Variants in FOXN3 observed in about 807,000 individuals in gnomAD.
FOXN3 encodes the protein forkhead box protein N3.
In FOXN3, 7 loss-of-function variants were observed where a neutral mutation model predicts 38.4. That is an observed-to-expected ratio of 0.18 (90% CI 0.10 to 0.34). FOXN3 has a LOEUF of 0.34. FOXN3 is among the 10% of genes least tolerant of loss of function. FOXN3 has a pLI of 1.00. For missense variants in FOXN3, 456 were observed against 613.4 expected (o/e 0.74, Z 2.71); for synonymous variants, 230 against 242.2 (o/e 0.95, Z 0.47).
At position 89,180,733 on chromosome 14, in the gene FOXN3, T is replaced by C. The variant is rs779123104; in HGVS notation, c.819A>G (p.Pro273=). The stretch of plus-strand genomic sequence containing the variant: ...CCGCTGTCACCCCAATGGGAGTGAT[T>C]GGCAGCGGCCGCACGCCAGGAAACA... ...RGLFPGVRPL[P]ITPIGVTAAM... The change falls in exon 5 of 6, where the codon CCA becomes CCG. Residue 273 remains proline (P), a synonymous_variant. Coordinates refer to ENST00000557258, the MANE Select transcript of FOXN3 (RefSeq NM_005197.4). 1.2e-6 allele frequency: 2 copies of C among 1,611,844 alleles called. No individual in the cohort carries two copies. The highest frequency in any genetic ancestry group is 1.1e-5 in the South Asian group (1 of 90,472).
chr14:89,386,795 G>A (rs372974431), intron 2 of FOXN3, among the ~76,000 whole-genome samples: 7 of 152,124 alleles, frequency 4.6e-5, no homozygotes, highest in African/African-American at 7.2e-5. Context: ...GTGAGAAGAC[G>A]GCTGCCTTCT....
chr14:89,442,855 C>T (rs1465670281), intron 1 of FOXN3, among the ~76,000 whole-genome samples: 1 of 152,170 alleles, frequency 6.6e-6, no homozygotes, highest in East Asian at 1.9e-4. Flanking sequence ...GTGTTCAAAC[C>T]AAAATGGTGA....
intron 1 of FOXN3, among the ~76,000 whole-genome samples, chr14:89,425,062 C>CTTTTTTTTTTTTTTTTTTTTTTTTTTTT (rs3994032): frequency 1.9e-5 from 2 of 104,220 alleles, no homozygotes; most frequent in Non-Finnish European, 1.8e-5. Flanking sequence ...GTTTTCTTTT[C>CTTTTTTTTTTTTTTTTTTTTTTTTTTTT]TTTTTTTTTT....
At chr14:89,247,352 GA>G (rs1885328783) in intron 4 of FOXN3, among the ~76,000 whole-genome samples, 1 of 152,098 alleles carries the variant, frequency 6.6e-6, no homozygotes, top group African/African-American at 2.4e-5. Flanking sequence ...AGAAAATTTT[GA>G]CCAATAAAAC....
chr14:89,173,698 A>T (rs975798202), intron 5 of FOXN3, among the ~76,000 whole-genome samples: 2 of 152,224 alleles, frequency 1.3e-5, no homozygotes, highest in Admixed American at 6.5e-5. Context: ...CTAGTTATTT[A>T]AAAAACTCAG....
intron 1 of FOXN3, among the ~76,000 whole-genome samples, chr14:89,427,300 A>ATTTTT (rs1467512645): frequency 4.4e-5 from 4 of 91,362 alleles, no homozygotes; most frequent in Admixed American, 1.2e-4. Flanking sequence ...GGAAAAGGGG[A>ATTTTT]CTTTTTTTTT....
intron 4 of FOXN3, among the ~76,000 whole-genome samples, chr14:89,215,347 A>AT (rs10640376): frequency 0.33 from 48,636 of 148,786 alleles, 8,067 homozygotes; most frequent in Middle Eastern, 0.43. Context: ...GAGAATAGAG[A>AT]TTTTTTTTTT....
In FOXN3 at chr14:89,295,372, C is replaced by T. The variant is rs551147490; in HGVS notation, c.681-14358G>A. The stretch of plus-strand genomic sequence containing the variant: ...ACTCTGCAGTGTCTTCCCATTCTAA[C>T]GCCTTATACCTTTAACCCACAGGTA... On this transcript the variant is annotated intron_variant, in intron 3 of 5. Coordinates refer to ENST00000557258, the MANE Select transcript of FOXN3 (RefSeq NM_005197.4). Among the ~76,000 whole-genome samples, 8 of 152,322 alleles carry T rather than the reference C, an allele frequency of 5.3e-5. No homozygotes were observed. In the East Asian group the frequency reaches 7.7e-4, roughly 15 times the overall value.
chr14:89,368,245 G>A (rs377759744), intron 2 of FOXN3, among the ~76,000 whole-genome samples: 4 of 150,238 alleles, frequency 2.7e-5, no homozygotes, highest in Admixed American at 6.6e-5. Flanking sequence ...CAGAAGAATC[G>A]CTTGAACCCA....
Position 89,555,880 on chromosome 14 carries a change from TGGGG to T in FOXN3, c.-15+63144_-15+63147del, listed in dbSNP as rs57759148. Among the ~76,000 whole-genome samples, 183 of 99,598 alleles carry T rather than the reference TGGGG, an allele frequency of 1.8e-3. 8 individuals are homozygous for T. Among genetic ancestry groups the T allele is most frequent in the Admixed American group, 5.6e-3 (45 of 8,014 alleles). The allele number at this position is 99,598 out of a possible 152,430, so 65.3% of individuals were successfully genotyped here. ...GTGTGTGTGTGTGTGTGTGTGTATGTGGGGGTGTATGTGGGGGTGTGTGTGTTGT... is the reference window on the plus strand; with the variant it reads ...GTGTGTGTGTGTGTGTGTGTGTATGTGTGTATGTGGGGGTGTGTGTGTTGT... On this transcript the variant is annotated intron_variant, in intron 1 of 6. Transcript: ENST00000345097.
At chr14:89,536,783 TA>T (rs58499483) in intron 1 of FOXN3, among the ~76,000 whole-genome samples, 120,724 of 150,650 alleles carry the variant, frequency 0.8, 48,444 homozygotes, top group Middle Eastern at 0.82. Flanking sequence ...ATCTCAAAAA[TA>T]AAAAAAAAAA....
intron 2 of FOXN3, among the ~76,000 whole-genome samples, chr14:89,365,392 T>C (rs1890110216): frequency 6.6e-6 from 1 of 152,156 alleles, no homozygotes; most frequent in Admixed American, 6.5e-5. Flanking sequence ...CATGAAAACA[T>C]CCAAATTATA....
At chr14:89,511,247 T>C (rs7143547) in intron 1 of FOXN3, among the ~76,000 whole-genome samples, 859 of 11,258 alleles carry the variant, frequency 0.076, 199 homozygotes, top group African/African-American at 0.11. Flanking sequence ...CTTTTCTTTC[T>C]TTTCTTTCTT....
intron 1 of FOXN3, among the ~76,000 whole-genome samples, chr14:89,439,632 C>A (rs1892336432): frequency 6.6e-6 from 1 of 151,400 alleles, no homozygotes; most frequent in African/African-American, 2.4e-5. Flanking sequence ...GCTGCTCTGC[C>A]CATGGAGTAG....
intron 1 of FOXN3, among the ~76,000 whole-genome samples, chr14:89,491,534 C>A (rs1479034378): frequency 6.6e-6 from 1 of 152,152 alleles, no homozygotes; most frequent in Non-Finnish European, 1.5e-5. Flanking sequence ...GACAGGGGCA[C>A]AGGATGCCCA....
chr14:89,411,184 C>G (rs1431977881), intron 2 of FOXN3, among the ~76,000 whole-genome samples: 1 of 152,204 alleles, frequency 6.6e-6, no homozygotes, highest in African/African-American at 2.4e-5. Flanking sequence ...AATCTAATGA[C>G]TGATGATCTG....
intron 1 of FOXN3, among the ~76,000 whole-genome samples, chr14:89,605,496 C>A (rs1896253724): frequency 6.6e-6 from 1 of 151,120 alleles, no homozygotes; most frequent in African/African-American, 2.4e-5. Context: ...ATGGAAGAGG[C>A]AGGAAAAATG....
At chr14:89,542,982 C>T (rs1894820449) in intron 1 of FOXN3, among the ~76,000 whole-genome samples, 1 of 152,190 alleles carries the variant, frequency 6.6e-6, no homozygotes, top group Non-Finnish European at 1.5e-5. Context: ...AGCACAAACT[C>T]CCCTGGTAGA....
chr14:89,232,921 G>A (rs1411955651), intron 4 of FOXN3, among the ~76,000 whole-genome samples: 1 of 152,162 alleles, frequency 6.6e-6, no homozygotes, highest in African/African-American at 2.4e-5. Context: ...ATACTTGAAA[G>A]CCACACAGCA....
Sources: gnomAD v4.1 joint callset for allele counts (sites outside exome capture counted in the v4.1 genomes callset) on GRCh38, gnomAD v4.1.1 for gene constraint, MANE v1.5 for transcripts, NCBI Gene and HGNC (gene_info 2026-07-23, HGNC 2026-07-21) for gene names.